LIPA: variants seen among roughly 807,000 people sequenced by gnomAD.
LIPA encodes lipase A, lysosomal acid type.
A neutral mutation model predicts 40.6 loss-of-function variants in LIPA; 26 were observed. That is an observed-to-expected ratio of 0.64 (90% CI 0.47 to 0.89). The LOEUF (loss-of-function observed/expected upper bound fraction) is 0.89, where lower values mean the gene tolerates loss of function less well. Among genes scored for constraint, LIPA ranks in the 40% least tolerant of loss-of-function variants. The pLI is 0.00. For synonymous variants in LIPA, 188 were observed against 168.4 expected (o/e 1.12, Z -0.90); for missense variants, 455 against 479.6 (o/e 0.95, Z 0.48).
intron 1 of LIPA, among the ~76,000 whole-genome samples, chr10:89,318,778 T>C (rs925061927): frequency 2.8e-4 from 43 of 152,272 alleles, no homozygotes; most frequent in African/African-American, 8.7e-4. Flanking sequence ...CAGCACCACA[T>C]TGCACTTATT....
At chr10:89,221,994 T>C (rs1842704959) in intron 8 of LIPA, among the ~76,000 whole-genome samples, 3 of 152,220 alleles carry the variant, frequency 2.0e-5, no homozygotes, top group African/African-American at 7.2e-5. Flanking sequence ...CAAAACTGTA[T>C]TTCAAAAGTC....
In LIPA at chr10:89,217,246, G is replaced by T. The variant is rs142740950; in HGVS notation, c.895-1237C>A. Among the ~76,000 whole-genome samples the T allele has an allele frequency of 2.8e-3, 420 of 152,320 alleles. 1 individual carries two copies. Among genetic ancestry groups the T allele is most frequent in the African/African-American group, 9.2e-3 (383 of 41,578 alleles). On this transcript the variant is annotated intron_variant, in intron 8 of 9. Coordinates refer to ENST00000336233, the MANE Select transcript of LIPA (RefSeq NM_000235.4). ...TATGTGAAGTCTGTTCTAATCAACT[G>T]CATACAATTCTACTGTTTGATGTAA...
intron 1 of LIPA, among the ~76,000 whole-genome samples, chr10:89,291,245 C>T (rs1843372992): frequency 6.6e-6 from 1 of 151,412 alleles, no homozygotes; most frequent in African/African-American, 2.4e-5. Context: ...ATTTTTTCCC[C>T]TTCCTCCCTG....
intron 1 of LIPA, chr10:89,338,908 C>A: frequency 6.2e-7 from 1 of 1,614,186 alleles, no homozygotes; most frequent in Non-Finnish European, 8.5e-7. Flanking sequence ...CCAGCAAGAA[C>A]ATGCTGACCA....
chr10:89,369,064 A>G (rs565992355), intron 2 of LIPA, among the ~76,000 whole-genome samples: 125 of 152,252 alleles, frequency 8.2e-4, no homozygotes, highest in Admixed American at 2.1e-3. Flanking sequence ...CTCAATGTCA[A>G]TCTTTTTCCA....
upstream of LIPA, among the ~76,000 whole-genome samples, chr10:89,344,521 G>C (rs946012699): frequency 6.6e-6 from 1 of 151,852 alleles, no homozygotes; most frequent in East Asian, 1.9e-4. Flanking sequence ...CCTAAGTAAA[G>C]CAGGGAGGAA....
chr10:89,384,098 G>A (rs199669012), intron 2 of LIPA: 18 of 1,614,020 alleles, frequency 1.1e-5, no homozygotes, highest in East Asian at 8.9e-5. Context: ...AAGTTTTATC[G>A]AAGAAAAGGG....
At chr10:89,372,083 T>C (rs1844095039) in intron 2 of LIPA, among the ~76,000 whole-genome samples, 1 of 152,190 alleles carries the variant, frequency 6.6e-6, no homozygotes, top group Non-Finnish European at 1.5e-5. Flanking sequence ...AAGCCCCTCA[T>C]AGAGGCCCCT....
At chr10:89,313,488 T>C (rs1371198767) in intron 1 of LIPA, among the ~76,000 whole-genome samples, 1 of 152,232 alleles carries the variant, frequency 6.6e-6, no homozygotes, top group Non-Finnish European at 1.5e-5. Context: ...TGGACAGTTC[T>C]TCAAATGGTT....
chr10:89,315,583 A>G (rs1043075831), intron 1 of LIPA, among the ~76,000 whole-genome samples: 6 of 104,362 alleles, frequency 5.7e-5, no homozygotes, highest in Non-Finnish European at 9.4e-5. Flanking sequence ...TATAAAAATG[A>G]AAAGAAAAAA....
chr10:89,307,142 A>T (rs893318694), intron 1 of LIPA: 7 of 1,613,954 alleles, frequency 4.3e-6, no homozygotes, highest in African/African-American at 1.3e-5. Flanking sequence ...CCACCACTTT[A>T]TAGAGGGTGT....
chr10:89,293,686 G>GAGAGAGAGAGAGAGAGAT, intron 1 of LIPA: 1 of 143,108 alleles, frequency 7.0e-6, no homozygotes, highest in Non-Finnish European at 1.5e-5. Context: ...AGATGAGAGA[G>GAGAGAGAGAGAGAGAGAT]AGAGAGAGAG....
chr10:89,221,248 G>A (rs964014727), intron 8 of LIPA, among the ~76,000 whole-genome samples: 2 of 151,882 alleles, frequency 1.3e-5, no homozygotes, highest in Non-Finnish European at 2.9e-5. Flanking sequence ...AAAACGACTC[G>A]GGAGGCTGAG....
At chr10:89,332,891 G>C (rs12766862) in intron 1 of LIPA, among the ~76,000 whole-genome samples, 41,406 of 152,114 alleles carry the variant, frequency 0.27, 5,934 homozygotes, top group African/African-American at 0.33. Context: ...ATGCTCAGAT[G>C]CTTTCAGGTA....
chr10:89,340,116 G>A (rs1843838830), intron 1 of LIPA: 1 of 1,594,488 alleles, frequency 6.3e-7, no homozygotes, highest in South Asian at 1.1e-5. Context: ...CTAACTCAGA[G>A]CAACTGAACT....
At chr10:89,243,832 G>A (rs1842992311) in intron 3 of LIPA, among the ~76,000 whole-genome samples, 1 of 152,184 alleles carries the variant, frequency 6.6e-6, no homozygotes, top group African/African-American at 2.4e-5. Flanking sequence ...GGATATAGGA[G>A]GAGAGCTCTC....
At chr10:89,409,446 C>T (rs1337762728) in intron 2 of LIPA, among the ~76,000 whole-genome samples, 2 of 152,106 alleles carry the variant, frequency 1.3e-5, no homozygotes, top group African/African-American at 4.8e-5. Context: ...AACAAGCTGC[C>T]CCCTCACCCA....
chr10:89,385,282 A>C (rs765637744), intron 2 of LIPA: 3 of 153,014 alleles, frequency 2.0e-5, no homozygotes, highest in Non-Finnish European at 4.4e-5. Flanking sequence ...TAGTCTGATG[A>C]AATACAAAAT....
intron 1 of LIPA, 197 bp from the exon 2 acceptor site, chr10:89,247,846 T>TTTA (rs1554869397): frequency 6.1e-6 from 1 of 163,836 alleles, no homozygotes; most frequent in Non-Finnish European, 1.2e-5. Context: ...TTTATTTTTA[T>TTTA]TTTATTTATT....
Sources: gnomAD v4.1 joint callset for allele counts (sites outside exome capture counted in the v4.1 genomes callset) on GRCh38, gnomAD v4.1.1 for gene constraint, MANE v1.5 for transcripts, NCBI Gene and HGNC (gene_info 2026-07-23, HGNC 2026-07-21) for gene names.